Variants in TNIK observed in about 807,000 individuals in gnomAD.
TNIK encodes TRAF2 and NCK interacting kinase, also known as TRAF2 and NCK-interacting protein kinase.
TNIK carries 49 observed loss-of-function variants against 191.3 expected under a neutral mutation model. That is an observed-to-expected ratio of 0.26 (90% CI 0.20 to 0.32). TNIK has a LOEUF of 0.32. Ranked by LOEUF, TNIK falls within the 10% of genes least tolerant of loss-of-function variation. The pLI is 1.00. For missense variants in TNIK, 1,155 were observed against 1,702.3 expected (o/e 0.68, Z 5.66); for synonymous variants, 594 against 600.9 (o/e 0.99, Z 0.17).
In TNIK at chr3:171,397,833, C is replaced by T. The variant is rs569991798; in HGVS notation, c.58-28148G>A. 3.3e-5 allele frequency among the ~76,000 whole-genome samples: 5 copies of T among 152,230 alleles called. No homozygotes were observed. The South Asian group carries it at 8.3e-4, about 25-fold the overall frequency. ...AACTATTTCTATAATACAACATACA[C>T]GCTTTTTTTCTTTTATGCTTATTTC... On this transcript the variant is annotated intron_variant, in intron 1 of 32. Transcript: ENST00000436636.
chr3:171,084,296 C>G lies in TNIK; in HGVS notation c.3028G>C (p.Glu1010Gln), dbSNP rs781578994. Residue 1010 changes from glutamate (E) to glutamine (Q), a missense_variant, in exon 26 of 33, where the codon GAA (glutamate) becomes CAA (glutamine). Glu to Gln is a conservative substitution (Grantham distance 29). Around this residue, in one of 3 missense-constraint regions of TNIK, gnomAD observed 735 missense variants for 848.0 expected, o/e 0.87. Transcript: ENST00000436636. ...ALFTSELLRQ[E>Q]QAKLNEARKI... ...CTTGCTTCATTGAGTTTGGCCTGTT[C>G]TTGCCTAAGAAGTTCGCTAGTAAAC... 3 of 1,613,634 alleles carry G rather than the reference C, an allele frequency of 1.9e-6. No individual in the cohort carries two copies. Among genetic ancestry groups the G allele is most frequent in the Admixed American group, 1.7e-5 (1 of 60,016 alleles).
At chr3:171,353,262 A>G (rs1277430660) in intron 2 of TNIK, among the ~76,000 whole-genome samples, 1 of 152,162 alleles carries the variant, frequency 6.6e-6, no homozygotes, top group Non-Finnish European at 1.5e-5. Context: ...ATGCCAATGA[A>G]TTATATCTGT....
intron 4 of TNIK, among the ~76,000 whole-genome samples, chr3:171,199,453 T>A (rs1739143357): frequency 1.3e-5 from 2 of 152,242 alleles, no homozygotes; most frequent in Non-Finnish European, 2.9e-5. Flanking sequence ...TCAAAGAGTT[T>A]ATACTGGGAT....
At chr3:171,070,939 A>G (rs1232948396) in intron 29 of TNIK, among the ~76,000 whole-genome samples, 1 of 152,220 alleles carries the variant, frequency 6.6e-6, no homozygotes, top group Admixed American at 6.5e-5. Context: ...ATTGCATAAG[A>G]TCATAATCAA....
intron 2 of TNIK, among the ~76,000 whole-genome samples, chr3:171,328,110 C>T (rs865826961): frequency 2.0e-5 from 3 of 152,026 alleles, no homozygotes; most frequent in Non-Finnish European, 2.9e-5. Context: ...TTAGGAGATG[C>T]GGCCTTTGGG....
In TNIK at chr3:171,128,854, G is replaced by A. The variant is rs200431570; in HGVS notation, c.1633C>T (p.Arg545Trp). ...KEVEERSRLN[R>W]QSSPAMPHKV... The stretch of plus-strand genomic sequence containing the variant: ...TGAGGCATGGCAGGGGAACTTTGCC[G>A]GTTGAGCCTTGACCGTTCTTCTACC... Residue 545 changes from arginine to tryptophan, a missense_variant, in exon 16 of 33, where the codon CGG (arginine) becomes TGG (tryptophan). By Grantham distance (101) the Arg-to-Trp change is moderately radical. This residue lies in a region of TNIK where 735 missense variants were observed against 848.0 expected (regional missense o/e 0.87). Coordinates refer to ENST00000436636, the MANE Select transcript of TNIK (RefSeq NM_015028.4). 65 of 1,559,762 alleles carry A rather than the reference G, an allele frequency of 4.2e-5. No individual in the cohort carries two copies. The highest frequency in any genetic ancestry group is 7.7e-5 in the Admixed American group (4 of 51,746).
intron 24 of TNIK, among the ~76,000 whole-genome samples, chr3:171,086,630 T>C (rs983524418): frequency 6.6e-6 from 1 of 152,246 alleles, no homozygotes; most frequent in Non-Finnish European, 1.5e-5. Flanking sequence ...GTGTGGACAA[T>C]GTCAAAAATA....
intron 2 of TNIK, among the ~76,000 whole-genome samples, chr3:171,240,200 G>A (rs367888660): frequency 2.6e-5 from 4 of 152,102 alleles, no homozygotes; most frequent in Non-Finnish European, 5.9e-5. Flanking sequence ...ATCGTGAGAC[G>A]GGTAAGCACA....
chr3:171,432,456 C>A (rs1725498439), intron 1 of TNIK, among the ~76,000 whole-genome samples: 1 of 151,128 alleles, frequency 6.6e-6, no homozygotes, highest in Non-Finnish European at 1.5e-5. Flanking sequence ...GAGTACTAAG[C>A]AAAATAACTG....
chr3:171,090,413 T>C (rs941950906), intron 23 of TNIK, among the ~76,000 whole-genome samples: 8 of 150,112 alleles, frequency 5.3e-5, no homozygotes, highest in African/African-American at 2.0e-4. Context: ...TTTTTTTCTT[T>C]CTTTTCTTTC....
At chr3:171,305,800 A>T (rs1001431923) in intron 2 of TNIK, among the ~76,000 whole-genome samples, 7 of 152,174 alleles carry the variant, frequency 4.6e-5, no homozygotes, top group African/African-American at 1.7e-4. Flanking sequence ...GTGGAAAGCA[A>T]TGTGGAGATT....
intron 2 of TNIK, among the ~76,000 whole-genome samples, chr3:171,354,967 A>T (rs192226891): frequency 5.9e-5 from 9 of 152,296 alleles, no homozygotes. Context: ...TTCTGTTAGC[A>T]GACTTTTTTT....
rs1739835377 is a variant in TNIK at position 171,204,592 on chromosome 3, T to C, written c.306+6524A>G. Among the ~76,000 whole-genome samples, 2 of 152,196 alleles carry C rather than the reference T, an allele frequency of 1.3e-5. 1 individual carries two copies. Among genetic ancestry groups the C allele is most frequent in the African/African-American group, 4.8e-5 (2 of 41,444 alleles). ...TCTGAAGAGTCAACTATCTATGACC[T>C]TTGCAATTATTTGATAAAACATTCC... On this transcript the variant is annotated intron_variant, in intron 4 of 32. Transcript: ENST00000436636.
chr3:171,148,013 T>G (rs73039347), intron 12 of TNIK, among the ~76,000 whole-genome samples: 5,079 of 151,980 alleles, frequency 0.033, 277 homozygotes, highest in African/African-American at 0.12. Context: ...GCTTTCCCAA[T>G]GTTCTCAGAA....
At chr3:171,351,546 T>C (rs896144814) in intron 2 of TNIK, among the ~76,000 whole-genome samples, 1 of 152,212 alleles carries the variant, frequency 6.6e-6, no homozygotes, top group East Asian at 1.9e-4. Flanking sequence ...GTTCTTTTTC[T>C]CATTTTAATA....
chr3:171,337,610 C>T (rs762536370), intron 2 of TNIK, among the ~76,000 whole-genome samples: 4 of 152,170 alleles, frequency 2.6e-5, no homozygotes, highest in Non-Finnish European at 2.9e-5. Context: ...TTATCCATAA[C>T]GATAGATGTG....
intron 3 of TNIK, among the ~76,000 whole-genome samples, chr3:171,227,809 T>C (rs1294662827): frequency 6.6e-6 from 1 of 152,220 alleles, no homozygotes; most frequent in East Asian, 1.9e-4. Context: ...TTTTTTTGAC[T>C]AACAGTGGTG....
rs530269236 is a variant in TNIK at position 171,059,643 on chromosome 3, G to GA, written c.*4237dup. ...CCAATTTATTTAAGATCCATGAAAG[G>GA]ACAGCTTACTTTAGGGTTCCTGATA... On this transcript the variant is annotated 3_prime_UTR_variant, in exon 33 of 33. Coordinates refer to ENST00000436636, the MANE Select transcript of TNIK (RefSeq NM_015028.4). 1.3e-5 allele frequency among the ~76,000 whole-genome samples: 2 copies of GA among 152,106 alleles called. No homozygotes were observed. Among genetic ancestry groups the GA allele is most frequent in the Non-Finnish European group, 2.9e-5 (2 of 68,016 alleles).
Position 171,059,559 on chromosome 3 carries a change from C to T in TNIK, c.*4322G>A, listed in dbSNP as rs775859248. On this transcript the variant is annotated 3_prime_UTR_variant, in exon 33 of 33. Coordinates refer to ENST00000436636, the MANE Select transcript of TNIK (RefSeq NM_015028.4). ...ATACAAATTGTCAGTTTTGAACTTG[C>T]AAATTCTCAAGAGGTTTTCTTCTTT... Among the ~76,000 whole-genome samples, 1 of 152,084 alleles carries T rather than the reference C, an allele frequency of 6.6e-6. No homozygotes were observed. Among genetic ancestry groups the T allele is most frequent in the Non-Finnish European group, 1.5e-5 (1 of 68,000 alleles).
Sources: allele counts gnomAD v4.1 joint callset (sites outside exome capture counted in the v4.1 genomes callset), GRCh38; gene constraint gnomAD v4.1.1; regional missense constraint gnomAD v4.1.1; transcripts MANE v1.5; gene names NCBI Gene and HGNC (gene_info 2026-07-23, HGNC 2026-07-21).